XKR6: variants seen among roughly 807,000 people sequenced by gnomAD.
XKR6 encodes XK related 6, also known as XK-related protein 6.
Under a neutral mutation model 56.7 loss-of-function variants are expected in XKR6, and 22 were observed. That is an observed-to-expected ratio of 0.39 (90% CI 0.28 to 0.55). XKR6 has a LOEUF of 0.55. XKR6 is among the 20% of genes least tolerant of loss of function. XKR6 has a pLI of 0.66. For synonymous variants in XKR6, 524 were observed against 387.8 expected (o/e 1.35, Z -4.13); for missense variants, 852 against 889.0 (o/e 0.96, Z 0.53).
intron 1 of XKR6, among the ~76,000 whole-genome samples, chr8:10,967,597 G>GGCCA (rs1470657242): frequency 5.3e-5 from 8 of 152,206 alleles, no homozygotes; most frequent in Admixed American, 3.3e-4. Flanking sequence ...TGGAGCTGGA[G>GGCCA]GCCAGGCTCT....
chr8:11,000,300 C>G (rs929383184), intron 1 of XKR6, among the ~76,000 whole-genome samples: 1 of 152,142 alleles, frequency 6.6e-6, no homozygotes, highest in Admixed American at 6.5e-5. Context: ...AAACAGTTTG[C>G]AAGGCTGAAA....
At chr8:10,997,508 T>C (rs757977816) in intron 1 of XKR6, among the ~76,000 whole-genome samples, 1 of 152,162 alleles carries the variant, frequency 6.6e-6, no homozygotes, top group Non-Finnish European at 1.5e-5. Context: ...GCTGGTGAGA[T>C]AGCCATAGGA....
intron 1 of XKR6, among the ~76,000 whole-genome samples, chr8:11,142,186 T>C (rs968402847): frequency 4.6e-5 from 7 of 152,160 alleles, no homozygotes; most frequent in Non-Finnish European, 7.3e-5. Context: ...CAGTAACAAT[T>C]TGCATCCAGC....
chr8:11,064,109 C>T (rs912302512), intron 1 of XKR6, among the ~76,000 whole-genome samples: 6 of 152,262 alleles, frequency 3.9e-5, no homozygotes, highest in Non-Finnish European at 8.8e-5. Context: ...GTGTTGCTTT[C>T]CTGCGTCCTA....
At chr8:10,932,957 G>A (rs1006471504) in intron 1 of XKR6, among the ~76,000 whole-genome samples, 1 of 149,498 alleles carries the variant, frequency 6.7e-6, no homozygotes, top group African/African-American at 2.5e-5. Context: ...GGGATGCCTG[G>A]GTCAAATGGT....
At position 11,145,144 on chromosome 8, in the gene XKR6, G is replaced by A. The variant is rs188301359; in HGVS notation, c.764+55432C>T. ...TCCAAAACATTTTGAGCAACGACAT[G>A]ATACTCAAAGGAAATGCTCACTGGA... On this transcript the variant is annotated intron_variant, in intron 1 of 2. Coordinates refer to ENST00000416569, the MANE Select transcript of XKR6 (RefSeq NM_173683.4). 4.2e-3 allele frequency among the ~76,000 whole-genome samples: 635 copies of A among 152,200 alleles called. 1 individual carries two copies. The highest frequency in any genetic ancestry group is 6.8e-3 in the Non-Finnish European group (463 of 68,004).
chr8:11,075,084 G>A (rs1800236698), intron 1 of XKR6, among the ~76,000 whole-genome samples: 1 of 152,156 alleles, frequency 6.6e-6, no homozygotes, highest in Non-Finnish European at 1.5e-5. Context: ...AGGTGGGGAG[G>A]GAAGAGGATG....
chr8:11,038,497 TTGTGTGTGTGTGTGTGTGTG>T (rs34388531), intron 1 of XKR6, among the ~76,000 whole-genome samples: 19 of 130,214 alleles, frequency 1.5e-4, no homozygotes, highest in Admixed American at 3.1e-4. Flanking sequence ...TGTAGTCATT[TTGTGTGTGTGTGTGTGTGTG>T]TGTGTGTGTG....
At chr8:10,932,497 C>A (rs1022587151) in intron 1 of XKR6, among the ~76,000 whole-genome samples, 6 of 146,166 alleles carry the variant, frequency 4.1e-5, no homozygotes, top group Middle Eastern at 3.4e-3. Flanking sequence ...CATATGTATA[C>A]ATGTGCCATG....
At chr8:11,178,545 AAAATATAT>A (rs1262607438) in intron 1 of XKR6, among the ~76,000 whole-genome samples, 7,419 of 78,986 alleles carry the variant, frequency 0.094, 808 homozygotes, top group African/African-American at 0.23. Flanking sequence ...CTGAGAGGTA[AAAATATAT>A]ATATATATAT....
intron 1 of XKR6, among the ~76,000 whole-genome samples, chr8:10,958,923 C>T (rs182842188): frequency 6.6e-5 from 10 of 152,322 alleles, no homozygotes; most frequent in East Asian, 1.9e-4. Flanking sequence ...ATGGTGACAG[C>T]GGGTCTCACC....
At chr8:10,991,229 G>A (rs1429138663) in intron 1 of XKR6, among the ~76,000 whole-genome samples, 1 of 151,942 alleles carries the variant, frequency 6.6e-6, no homozygotes, top group Non-Finnish European at 1.5e-5. Context: ...TTTCACATCC[G>A]CAGTAGGTGA....
chr8:10,898,981 C>G lies in XKR6; in HGVS notation c.962-65G>C. 6.6e-7 allele frequency: 1 copy of G among 1,518,830 alleles called. No individual in the cohort carries two copies. Among genetic ancestry groups the G allele is most frequent in the East Asian group, 2.3e-5 (1 of 44,230 alleles). The allele number at this position is 1,518,830 out of a possible 1,614,324, so 94.1% of individuals were successfully genotyped here. A position where few individuals can be genotyped will look rare whatever the true frequency, so the allele number is the denominator to read the frequency against. ...ACATCAACCGCAGGGCACAGTGAAG[C>G]TGCCGGCTGAGGAGACGCCCACATA... On this transcript the variant is annotated intron_variant, in intron 2 of 2. Transcript: ENST00000416569. The surrounding 1 kb of genome is among the most constrained non-coding windows in gnomAD (Gnocchi z 6.6).
chr8:11,007,516 G>A (rs1187047419), intron 1 of XKR6, among the ~76,000 whole-genome samples: 2 of 152,130 alleles, frequency 1.3e-5, no homozygotes, highest in East Asian at 3.9e-4. Context: ...AGCCAGTAAT[G>A]TCGTTTCCAT....
At chr8:11,171,228 C>T (rs1802350912) in intron 1 of XKR6, among the ~76,000 whole-genome samples, 1 of 152,238 alleles carries the variant, frequency 6.6e-6, no homozygotes, top group Admixed American at 6.5e-5. Flanking sequence ...CATGAACTGC[C>T]ATTACAAATG....
chr8:10,907,623 G>T (rs1266911753), intron 2 of XKR6, among the ~76,000 whole-genome samples: 2 of 152,158 alleles, frequency 1.3e-5, no homozygotes, highest in Non-Finnish European at 2.9e-5. Flanking sequence ...TTGAATATAG[G>T]CTTGTCTGAA....
At chr8:11,114,914 C>T (rs1243293290) in intron 1 of XKR6, among the ~76,000 whole-genome samples, 1 of 152,138 alleles carries the variant, frequency 6.6e-6, no homozygotes, top group African/African-American at 2.4e-5. Context: ...TTTTCTCTAA[C>T]CAAAATAAGG....
At chr8:11,114,108 C>CT (rs1799041229) in intron 1 of XKR6, 1 of 442,144 alleles carries the variant, frequency 2.3e-6, no homozygotes, top group Admixed American at 2.6e-5. Flanking sequence ...AATAAAAATA[C>CT]ATGTGAATGA....
intron 1 of XKR6, among the ~76,000 whole-genome samples, chr8:10,984,732 CTATATATA>C (rs58774414): frequency 1.5e-4 from 7 of 47,494 alleles, no homozygotes; most frequent in African/African-American, 5.4e-4. Context: ...CTCTCTCTCT[CTATATATA>C]TATATATATA....
Sources: allele counts gnomAD v4.1 joint callset (sites outside exome capture counted in the v4.1 genomes callset), GRCh38; gene constraint gnomAD v4.1.1; non-coding constraint Gnocchi (gnomAD v3.1); transcripts MANE v1.5; gene names NCBI Gene and HGNC (gene_info 2026-07-23, HGNC 2026-07-21).